RTN1: variants seen among roughly 807,000 people sequenced by gnomAD.
RTN1 encodes the protein reticulon-1.
A neutral mutation model predicts 65.5 loss-of-function variants in RTN1; 25 were observed. The observed-to-expected ratio is 0.38, with a 90% CI of 0.28 to 0.53. The LOEUF (loss-of-function observed/expected upper bound fraction) is 0.53, where lower values mean the gene tolerates loss of function less well. Among genes scored for constraint, RTN1 ranks in the 20% least tolerant of loss-of-function variants. The pLI, the probability that RTN1 is intolerant of heterozygous loss-of-function variation, is 0.79. For synonymous variants in RTN1, 471 were observed against 447.6 expected, an observed-to-expected ratio of 1.05 and a Z score of -0.66; for missense variants, 983 against 1,025.4, an observed-to-expected ratio of 0.96 and a Z score of 0.57.
intron 2 of RTN1, among the ~76,000 whole-genome samples, chr14:59,739,785 AG>A (rs1389519603): frequency 6.6e-6 from 1 of 152,188 alleles, no homozygotes; most frequent in Non-Finnish European, 1.5e-5. Flanking sequence ...TAAAATGAAC[AG>A]GGGAACAATG....
intron 3 of RTN1, among the ~76,000 whole-genome samples, chr14:59,690,459 C>A (rs187687491): frequency 3.9e-5 from 6 of 152,212 alleles, no homozygotes; most frequent in Admixed American, 3.9e-4. Context: ...ATAAGTACTT[C>A]TAGACCTACA....
rs116431739 is a variant in RTN1, at chr14:59,739,012, G to A, written c.1015+6696C>T. Among the ~76,000 whole-genome samples the A allele has an allele frequency of 4.1e-3, 625 of 152,194 alleles. 3 individuals carry two copies. The highest frequency in any genetic ancestry group is 0.014 in the African/African-American group (597 of 41,506). On this transcript the variant is annotated intron_variant, in intron 2 of 8. Coordinates refer to ENST00000267484, the MANE Select transcript of RTN1 (RefSeq NM_021136.3). ...CTGGGGCCTGTCAGACGGTGAAGGGGGAGGAAGGAGAGCATCAGAAAGAAG... is the reference window on the plus strand; with the variant it reads ...CTGGGGCCTGTCAGACGGTGAAGGGAGAGGAAGGAGAGCATCAGAAAGAAG...
intron 1 of RTN1, among the ~76,000 whole-genome samples, chr14:59,863,359 G>A (rs961542513): frequency 6.6e-6 from 1 of 151,844 alleles, no homozygotes; most frequent in Non-Finnish European, 1.5e-5. Flanking sequence ...CATTTCAACC[G>A]AGATGTTTTT....
intron 3 of RTN1, among the ~76,000 whole-genome samples, chr14:59,703,656 C>G (rs1594688294): frequency 1.3e-5 from 2 of 152,168 alleles, no homozygotes; most frequent in East Asian, 3.9e-4. Context: ...TGTCTTTCTC[C>G]CCCTACAAGA....
At position 59,870,640 on chromosome 14, in the gene RTN1, TC is replaced by T. The variant is rs1324559106; in HGVS notation, c.-11del. The T allele has an allele frequency of 6.6e-6, 9 of 1,373,206 alleles. No homozygotes were observed. Among genetic ancestry groups the T allele is most frequent in the African/African-American group, 4.6e-5 (3 of 65,568 alleles). 85.1% of individuals were successfully genotyped at this position (1,373,206 alleles called of 1,614,324 possible). ...CCCCCGGCGCGGCCATGGCTGGCGGTCCCCCGGCGCGGCGACGGCGGCTTGG... is the reference window on the plus strand; with the variant it reads ...CCCCCGGCGCGGCCATGGCTGGCGGTCCCCGGCGCGGCGACGGCGGCTTGG... On this transcript the variant is annotated 5_prime_UTR_variant, in exon 1 of 9. Coordinates refer to ENST00000267484, the MANE Select transcript of RTN1 (RefSeq NM_021136.3). This position sits in a 1 kb window ranked among gnomAD's most constrained non-coding sequence, Gnocchi z 5.1.
intron 6 of RTN1, 71 bp downstream of exon 6, chr14:59,603,781 C>T (rs1298157650): frequency 8.1e-7 from 1 of 1,238,614 alleles, no homozygotes; most frequent in Non-Finnish European, 1.2e-6. Flanking sequence ...AAACAAAAAG[C>T]TTACAGCCTA....
At chr14:59,763,002 T>C (rs1456688121) in intron 1 of RTN1, among the ~76,000 whole-genome samples, 1 of 152,200 alleles carries the variant, frequency 6.6e-6, no homozygotes, top group East Asian at 1.9e-4. Context: ...ATTACAAACA[T>C]AATCTCATGT....
rs905961136 is a variant in RTN1 at position 59,836,766 on chromosome 14, T to C, written c.241+33624A>G. On this transcript the variant is annotated intron_variant, in intron 1 of 8. Coordinates refer to ENST00000267484, the MANE Select transcript of RTN1 (RefSeq NM_021136.3). The surrounding 1 kb of genome is among the most constrained non-coding windows in gnomAD (Gnocchi z 4.9). ...GGTCAAGGAGGAAGAAAGCCAATGC[T>C]GAGCGGGGTGACACATCGCAGGGGT... 2.0e-5 allele frequency among the ~76,000 whole-genome samples: 3 copies of C among 152,148 alleles called. No individual in the cohort carries two copies. Among genetic ancestry groups the C allele is most frequent in the Non-Finnish European group, 4.4e-5 (3 of 68,024 alleles).
At chr14:59,735,452 A>G (rs1461718511) in intron 2 of RTN1, among the ~76,000 whole-genome samples, 1 of 152,214 alleles carries the variant, frequency 6.6e-6, no homozygotes, top group Non-Finnish European at 1.5e-5. Context: ...CAGGCTGAAT[A>G]AAGAACCAAG....
At chr14:59,679,474 C>T (rs1883699576) in intron 3 of RTN1, among the ~76,000 whole-genome samples, 1 of 152,182 alleles carries the variant, frequency 6.6e-6, no homozygotes, top group African/African-American at 2.4e-5. Context: ...TTCTCTATGC[C>T]TTAATTTCCC....
At chr14:59,709,207 T>C (rs1884363214) in intron 3 of RTN1, among the ~76,000 whole-genome samples, 2 of 152,232 alleles carry the variant, frequency 1.3e-5, no homozygotes, top group Non-Finnish European at 2.9e-5. Flanking sequence ...TTTAAAATGC[T>C]TTTCCCAAAA....
chr14:59,786,947 A>G (rs936233162), intron 1 of RTN1, among the ~76,000 whole-genome samples: 1 of 152,256 alleles, frequency 6.6e-6, no homozygotes, highest in Non-Finnish European at 1.5e-5. Flanking sequence ...CCTAATGATT[A>G]TAAAATTAAG....
intron 2 of RTN1, among the ~76,000 whole-genome samples, chr14:59,728,629 T>C (rs1308920486): frequency 2.0e-5 from 3 of 152,136 alleles, no homozygotes; most frequent in Non-Finnish European, 4.4e-5. Context: ...TTTTAGAATA[T>C]CTTAGTGGGA....
At chr14:59,861,436 G>T (rs747118217) in intron 1 of RTN1, among the ~76,000 whole-genome samples, 1 of 152,088 alleles carries the variant, frequency 6.6e-6, no homozygotes, top group African/African-American at 2.4e-5. Flanking sequence ...GCCCAGTCTC[G>T]GGTATCTCTT....
At chr14:59,648,063 C>A (rs2224313) in intron 3 of RTN1, among the ~76,000 whole-genome samples, 1 of 152,024 alleles carries the variant, frequency 6.6e-6, no homozygotes, top group Non-Finnish European at 1.5e-5. Context: ...GAAGAAAAGA[C>A]AGATCCAAAT....
intron 1 of RTN1, among the ~76,000 whole-genome samples, chr14:59,783,869 T>C (rs1463137394): frequency 6.6e-6 from 1 of 150,422 alleles, no homozygotes; most frequent in Non-Finnish European, 1.5e-5. Flanking sequence ...ACAAAAAAAA[T>C]TGGTAATAGA....
chr14:59,628,769 G>A (rs777328196), intron 3 of RTN1, among the ~76,000 whole-genome samples: 23 of 152,064 alleles, frequency 1.5e-4, no homozygotes, highest in Non-Finnish European at 3.1e-4. Context: ...TTAAAACCTC[G>A]GAGACATAAA....
chr14:59,771,857 C>T (rs938881964), intron 1 of RTN1, among the ~76,000 whole-genome samples: 3 of 152,190 alleles, frequency 2.0e-5, no homozygotes, highest in Non-Finnish European at 2.9e-5. Flanking sequence ...TGTATGGATT[C>T]ATGCCATTTT....
At chr14:59,649,946 C>T (rs1035331471) in intron 3 of RTN1, among the ~76,000 whole-genome samples, 5 of 152,128 alleles carry the variant, frequency 3.3e-5, no homozygotes, top group Non-Finnish European at 5.9e-5. Context: ...AAGACATATG[C>T]ACATGTATGT....
Sources: gnomAD v4.1 joint callset for allele counts (sites outside exome capture counted in the v4.1 genomes callset) on GRCh38, gnomAD v4.1.1 for gene constraint, Gnocchi (gnomAD v3.1) non-coding constraint, MANE v1.5 for transcripts, NCBI Gene and HGNC (gene_info 2026-07-23, HGNC 2026-07-21) for gene names.